The following ANKRD13C variants were observed in gnomAD, a reference collection of about 807,000 sequenced individuals.
The protein encoded by ANKRD13C is ankyrin repeat domain-containing protein 13C.
A neutral mutation model predicts 65.5 loss-of-function variants in ANKRD13C; 16 were observed. That is an observed-to-expected ratio of 0.24 (90% confidence interval 0.17 to 0.37). The LOEUF is 0.37. Among genes scored for constraint, ANKRD13C ranks in the 10% least tolerant of loss-of-function variants. ANKRD13C has a pLI of 1.00. For synonymous variants in ANKRD13C, 235 were observed against 238.7 expected, an observed-to-expected ratio of 0.98 and a Z score of 0.14; for missense variants, 503 against 655.9, an observed-to-expected ratio of 0.77 and a Z score of 2.55.
Position 70,259,298 on chromosome 1 carries a change from C to T in ANKRD13C, c.*3419G>A, listed in dbSNP as rs1416407093. Reference sequence around the variant, plus strand: ...CTACTCTAATTAAAGTCATTTTCACCGCAAAACATGATGAAAACCAAGAAT... The same window carrying T: ...CTACTCTAATTAAAGTCATTTTCACTGCAAAACATGATGAAAACCAAGAAT... On this transcript the variant is annotated 3_prime_UTR_variant, in exon 13 of 13. Transcript: ENST00000370944. 2.6e-5 allele frequency among the ~76,000 whole-genome samples: 4 copies of T among 152,008 alleles called. No individual in the cohort carries two copies. The highest frequency in any genetic ancestry group is 4.8e-5 in the African/African-American group (2 of 41,372).
Position 70,354,160 on chromosome 1 carries a change from G to A in ANKRD13C, c.249C>T (p.Ser83=), listed in dbSNP as rs1682886712. 6.2e-7 allele frequency: 1 copy of A among 1,614,150 alleles called. No homozygotes were observed. The highest frequency in any genetic ancestry group is 8.5e-7 in the Non-Finnish European group (1 of 1,180,022). Residue 83 remains serine (S), a synonymous_variant, in exon 1 of 13, where the codon TCC becomes TCT. Transcript: ENST00000370944. ...GGGACTGGGAGTTGGCAGTCACGGAGGAATTGTGCAGCGGCAGAGCCGGGG... is the reference window on the plus strand; with the variant it reads ...GGGACTGGGAGTTGGCAGTCACGGAAGAATTGTGCAGCGGCAGAGCCGGGG... ...PGAPALPLHN[S]SVTANSQSPA...
At chr1:70,303,324 A>T (rs944344289) in intron 6 of ANKRD13C, among the ~76,000 whole-genome samples, 1 of 152,142 alleles carries the variant, frequency 6.6e-6, no homozygotes, top group African/African-American at 2.4e-5. Flanking sequence ...AATATTTTTA[A>T]TTTTTCCCAT....
At chr1:70,278,963 G>C (rs1297133587) in intron 9 of ANKRD13C, among the ~76,000 whole-genome samples, 1 of 152,088 alleles carries the variant, frequency 6.6e-6, no homozygotes, top group Non-Finnish European at 1.5e-5. Flanking sequence ...CACTTTGGGA[G>C]GCCAAGGCAG....
intron 12 of ANKRD13C, among the ~76,000 whole-genome samples, chr1:70,267,095 T>C (rs1678661279): frequency 6.6e-6 from 1 of 152,208 alleles, no homozygotes; most frequent in Non-Finnish European, 1.5e-5. Flanking sequence ...TTCATCTATC[T>C]TGCAACTCTG....
intron 9 of ANKRD13C, among the ~76,000 whole-genome samples, chr1:70,286,613 A>G (rs1679632751): frequency 6.6e-6 from 1 of 152,234 alleles, no homozygotes; most frequent in African/African-American, 2.4e-5. Flanking sequence ...AGAAATAAGA[A>G]CAGGCAAGAG....
At chr1:70,284,350 T>C (rs966095253) in intron 9 of ANKRD13C, among the ~76,000 whole-genome samples, 1 of 152,014 alleles carries the variant, frequency 6.6e-6, no homozygotes. Flanking sequence ...AAATAAGAAA[T>C]CATATATATT....
At chr1:70,307,957 A>C (rs1680655082) in intron 5 of ANKRD13C, among the ~76,000 whole-genome samples, 2 of 152,158 alleles carry the variant, frequency 1.3e-5, no homozygotes, top group Non-Finnish European at 2.9e-5. Flanking sequence ...TCTTTGAAAA[A>C]GAAAAAAAGA....
intron 8 of ANKRD13C, chr1:70,293,528 C>G (rs1384680240): frequency 1.0e-6 from 1 of 983,320 alleles, no homozygotes; most frequent in African/African-American, 1.7e-5. Context: ...AGAAGATCAC[C>G]TAGATGCTTC....
intron 2 of ANKRD13C, among the ~76,000 whole-genome samples, chr1:70,333,905 AG>A (rs1366560052): frequency 1.1e-4 from 16 of 152,178 alleles, no homozygotes; most frequent in African/African-American, 1.7e-4. Flanking sequence ...TCTAACATGT[AG>A]CCTTTTAATG....
intron 1 of ANKRD13C, among the ~76,000 whole-genome samples, chr1:70,338,421 A>T (rs1558311221): frequency 6.6e-6 from 1 of 151,772 alleles, no homozygotes; most frequent in Non-Finnish European, 1.5e-5. Context: ...TGTGTGTGTG[A>T]GACAGAGTCT....
intron 7 of ANKRD13C, among the ~76,000 whole-genome samples, chr1:70,300,512 T>C (rs892054028): frequency 6.6e-6 from 1 of 151,886 alleles, no homozygotes; most frequent in Non-Finnish European, 1.5e-5. Flanking sequence ...TGCTTGAACC[T>C]GGGAGGCGGA....
intron 9 of ANKRD13C, 46 bp downstream of exon 9, chr1:70,292,342 C>A: frequency 1.4e-6 from 2 of 1,412,046 alleles, no homozygotes; most frequent in Non-Finnish European, 1.9e-6. Context: ...AAATCTATCC[C>A]CTCTCTTCTT....
chr1:70,350,060 T>C (rs1682683512), intron 1 of ANKRD13C, among the ~76,000 whole-genome samples: 1 of 152,194 alleles, frequency 6.6e-6, no homozygotes, highest in South Asian at 2.1e-4. Flanking sequence ...GGAGAATTGC[T>C]TGAACCCAGG....
chr1:70,326,618 CA>C (rs1681556705), intron 2 of ANKRD13C, among the ~76,000 whole-genome samples: 1 of 151,600 alleles, frequency 6.6e-6, no homozygotes, highest in Admixed American at 6.6e-5. Flanking sequence ...AGCAGTGTTT[CA>C]ATCTGGTAAC....
At position 70,261,443 on chromosome 1, in the gene ANKRD13C, C is replaced by T. The variant is rs1202684096; in HGVS notation, c.*1274G>A. The T allele has an allele frequency of 6.6e-6, 1 of 152,018 alleles. No individual in the cohort carries two copies. Among genetic ancestry groups the T allele is most frequent in the Non-Finnish European group, 1.5e-5 (1 of 67,944 alleles). The allele number at this position is 152,018 out of a possible 1,614,324, so 9.4% of individuals were successfully genotyped here. A position where few individuals can be genotyped will look rare whatever the true frequency, so the allele number is the denominator to read the frequency against. On this transcript the variant is annotated 3_prime_UTR_variant, in exon 13 of 13. Coordinates refer to ENST00000370944, the MANE Select transcript of ANKRD13C (RefSeq NM_030816.5). ...TTTTAAAAACATCAATCTAAGTAAG[C>T]TCTTTAATACAACATGATACTTTAT...
chr1:70,299,094 G>A (rs1353384088), intron 7 of ANKRD13C, among the ~76,000 whole-genome samples: 2 of 151,814 alleles, frequency 1.3e-5, no homozygotes, highest in Non-Finnish European at 2.9e-5. Context: ...GGAACATAAG[G>A]ACAACAAAAG....
At chr1:70,317,746 A>G (rs971847627) in intron 3 of ANKRD13C, among the ~76,000 whole-genome samples, 13 of 152,182 alleles carry the variant, frequency 8.5e-5, no homozygotes, top group Non-Finnish European at 1.8e-4. Context: ...GTTTTCTACT[A>G]TAAGCTCAAG....
At chr1:70,267,468 A>T (rs269274) in intron 12 of ANKRD13C, among the ~76,000 whole-genome samples, 1 of 151,786 alleles carries the variant, frequency 6.6e-6, no homozygotes, top group Non-Finnish European at 1.5e-5. Context: ...CAGCCTCCTA[A>T]GTTTAAGCAA....
rs1318242936 is a variant in ANKRD13C, at chr1:70,264,706, T to C, written c.1496-1859A>G. 3.3e-5 allele frequency among the ~76,000 whole-genome samples: 5 copies of C among 152,174 alleles called. No homozygotes were observed. In the East Asian group the frequency reaches 7.7e-4, roughly 23 times the overall value. ...GTTCTAGGTTTTGGATACACATCAC[T>C]AAATAAGAAACAAAATTCATGCAAT... On this transcript the variant is annotated intron_variant, in intron 12 of 12. Coordinates refer to ENST00000370944, the MANE Select transcript of ANKRD13C (RefSeq NM_030816.5).
Sources: allele counts gnomAD v4.1 joint callset (sites outside exome capture counted in the v4.1 genomes callset), GRCh38; gene constraint gnomAD v4.1.1; transcripts MANE v1.5; gene names NCBI Gene and HGNC (gene_info 2026-07-23, HGNC 2026-07-21).